ZNF33B: variants seen among roughly 807,000 people sequenced by gnomAD.
ZNF33B encodes the protein zinc finger protein 11b (KOX 2).
Under a neutral mutation model 45.8 loss-of-function variants are expected in ZNF33B, and 29 were observed. That is an observed-to-expected ratio of 0.63 (90% CI 0.47 to 0.86). The LOEUF is 0.86. Ranked by LOEUF, ZNF33B falls within the 40% of genes least tolerant of loss-of-function variation. The probability of loss-of-function intolerance (pLI) is 0.00; values close to 1 mark genes in which losing one functional copy is unlikely to be tolerated. For synonymous variants in ZNF33B, 305 were observed against 307.8 expected (o/e 0.99, Z 0.10); for missense variants, 831 against 909.9 (o/e 0.91, Z 1.12).
rs559093388 is a variant in ZNF33B at position 42,593,542 on chromosome 10, C to A, written c.1408G>T (p.Glu470Ter). The change falls in exon 5 of 5, where the codon GAA becomes TAA. Residue 470 changes from glutamate to a stop codon, truncating the protein, a stop_gained. Transcript: ENST00000359467. LOFTEE classifies it high-confidence loss of function. ...QRTHTGEKPFECLECGKSFCQ... is the reference protein window; with the variant it reads ...QRTHTGEKPF ...AAGGATTTCCCACACTCAAGACATT[C>A]AAAAGGTTTCTCACCTGTGTGAGTT... 6.2e-7 allele frequency: 1 copy of A among 1,613,966 alleles called. No individual in the cohort carries two copies. Among genetic ancestry groups the A allele is most frequent in the South Asian group, 1.1e-5 (1 of 91,072 alleles).
chr10:42,577,424 ACCT>A (rs1322364527), intron 1 of ZNF33B, among the ~76,000 whole-genome samples: 1 of 151,924 alleles, frequency 6.6e-6, no homozygotes, highest in African/African-American at 2.4e-5. Context: ...CTCCCCTGTG[ACCT>A]CCTCACTTAG....
intron 1 of ZNF33B, among the ~76,000 whole-genome samples, chr10:42,575,732 A>G (rs953364073): frequency 2.3e-5 from 3 of 131,862 alleles, no homozygotes; most frequent in African/African-American, 8.3e-5. Context: ...ATATATACAT[A>G]TATATTTTTT....
Position 42,593,224 on chromosome 10 carries a change from T to C in ZNF33B, c.1726A>G (p.Thr576Ala). ...TGACATTCATAGGGTTTCTCCCCCGTGTGTGTTCTATAATGTTGAGAGAGG... is the reference window on the plus strand; with the variant it reads ...TGACATTCATAGGGTTTCTCCCCCGCGTGTGTTCTATAATGTTGAGAGAGG... ...STLSQHYRTH[T>A]GEKPYECHEC... The change falls in exon 5 of 5, where the codon ACG (threonine) becomes GCG (alanine). Residue 576 changes from threonine to alanine, a missense_variant. Thr to Ala is a moderately conservative substitution (Grantham distance 58). Coordinates refer to ENST00000359467, the MANE Select transcript of ZNF33B (RefSeq NM_006955.3). 1 of 1,613,830 alleles carries C rather than the reference T, an allele frequency of 6.2e-7. No homozygotes were observed. The highest frequency in any genetic ancestry group is 1.7e-5 in the Admixed American group (1 of 59,818).
rs143162194 is a variant in ZNF33B at position 42,632,296 on chromosome 10, C to T, written c.153G>A (p.Val51=). ...MLENYSNLVS[V]GYCAHKPEVI... The stretch of plus-strand genomic sequence containing the variant: ...AATGATACAGTGAACAGACCTTACC[C>T]ACTGAGACAAGGTTGCTGTAGTTCT... The change falls in exon 3 of 5, where the codon GTG becomes GTA. Residue 51 remains valine, a splice_region_variant and synonymous_variant. Coordinates refer to ENST00000359467, the MANE Select transcript of ZNF33B (RefSeq NM_006955.3). 12 of 1,598,954 alleles carry T rather than the reference C, an allele frequency of 7.5e-6. No individual in the cohort carries two copies. The African/African-American group carries it at 1.6e-4, about 22-fold the overall frequency.
intron 4 of ZNF33B, among the ~76,000 whole-genome samples, chr10:42,618,899 T>C (rs1355329252): frequency 1.3e-5 from 2 of 152,164 alleles, no homozygotes; most frequent in Non-Finnish European, 2.9e-5. Context: ...AATTACACAA[T>C]ATACATTGAT....
At position 42,589,752 on chromosome 10, in the gene ZNF33B, A is replaced by G. The variant is rs1055201379; in HGVS notation, c.*2861T>C. 2.4e-4 allele frequency: 37 copies of G among 152,144 alleles called. No homozygotes were observed. Among genetic ancestry groups the G allele is most frequent in the African/African-American group, 8.9e-4 (37 of 41,402 alleles). The allele number at this position is 152,144 out of a possible 1,614,324, so 9.4% of individuals were successfully genotyped here. On this transcript the variant is annotated 3_prime_UTR_variant, in exon 5 of 5. Transcript: ENST00000359467. Reference sequence around the variant, plus strand: ...AATCATGTTATTTGAGAACAAAGACAGTTGTATTTCCTCCTTCCAAATTTA... The same window carrying G: ...AATCATGTTATTTGAGAACAAAGACGGTTGTATTTCCTCCTTCCAAATTTA...
chr10:42,617,944 C>A (rs1838398641), intron 4 of ZNF33B, among the ~76,000 whole-genome samples: 2 of 152,148 alleles, frequency 1.3e-5, no homozygotes, highest in Non-Finnish European at 2.9e-5. Flanking sequence ...GAAACTGAAA[C>A]CACACAAACT....
chr10:42,601,009 T>C (rs1837595831), intron 4 of ZNF33B, among the ~76,000 whole-genome samples: 1 of 152,228 alleles, frequency 6.6e-6, no homozygotes. Flanking sequence ...CTTTCAGCTT[T>C]GTTTAACTGG....
At chr10:42,613,148 A>G (rs941729308) in intron 4 of ZNF33B, among the ~76,000 whole-genome samples, 6 of 152,248 alleles carry the variant, frequency 3.9e-5, no homozygotes, top group South Asian at 2.1e-4. Context: ...AGGTCTGCAC[A>G]TAAGTACTAT....
rs1463253740 is a variant in ZNF33B at position 42,601,879 on chromosome 10, T to G, written c.251-7180A>C. Among the ~76,000 whole-genome samples, 4 of 151,132 alleles carry G rather than the reference T, an allele frequency of 2.6e-5. No homozygotes were observed. In the East Asian group the frequency reaches 7.8e-4, roughly 29 times the overall value. ...TCTTATTCTTCTGCAATCTTTGAAC[T>G]GCCATTAATTCTTGCTCTATGTGAT... On this transcript the variant is annotated intron_variant, in intron 4 of 4. Coordinates refer to ENST00000359467, the MANE Select transcript of ZNF33B (RefSeq NM_006955.3).
intron 4 of ZNF33B, among the ~76,000 whole-genome samples, chr10:42,601,908 C>CTTTTTTT (rs34431290): frequency 1.3e-5 from 1 of 75,368 alleles, no homozygotes; most frequent in Non-Finnish European, 2.5e-5. Context: ...ATGTGATATT[C>CTTTTTTT]TTTTTTTTTT....
chr10:42,592,194 T>A lies in ZNF33B; in HGVS notation c.*419A>T. On this transcript the variant is annotated 3_prime_UTR_variant, in exon 5 of 5. Transcript: ENST00000359467. Reference sequence around the variant, plus strand: ...TTCCACAATGTACATCTATAAATTATTGTTAGATACCTTAAAAACTATTAT... The same window carrying A: ...TTCCACAATGTACATCTATAAATTAATGTTAGATACCTTAAAAACTATTAT... 4.1e-6 allele frequency: 1 copy of A among 242,294 alleles called. No homozygotes were observed. Among genetic ancestry groups the A allele is most frequent in the Non-Finnish European group, 6.9e-6 (1 of 145,298 alleles). 15.0% of individuals were successfully genotyped at this position (242,294 alleles called of 1,614,324 possible).
At chr10:42,588,834 C>G (rs1338181347), downstream of ZNF33B, among the ~76,000 whole-genome samples, 1 of 152,124 alleles carries the variant, frequency 6.6e-6, no homozygotes, top group Non-Finnish European at 1.5e-5. Context: ...GCCTGGCCCC[C>G]CTGACAGGGA....
Position 42,616,672 on chromosome 10 carries a change from A to G in ZNF33B, c.250+15257T>C, listed in dbSNP as rs539015939. Among the ~76,000 whole-genome samples, 51 of 152,236 alleles carry G rather than the reference A, an allele frequency of 3.4e-4. 2 individuals are homozygous for G. The South Asian group carries it at 0.01, about 31-fold the overall frequency. ...AGTGTGCTATGATTTTTCAACAAAT[A>G]GTGTACAATATGTTTTTGTCCATTA... is the stretch of plus-strand genomic sequence containing the variant. On this transcript the variant is annotated intron_variant, in intron 4 of 4. Coordinates refer to ENST00000359467, the MANE Select transcript of ZNF33B (RefSeq NM_006955.3).
At chr10:42,620,007 G>C (rs1838498713) in intron 4 of ZNF33B, among the ~76,000 whole-genome samples, 1 of 152,144 alleles carries the variant, frequency 6.6e-6, no homozygotes, top group African/African-American at 2.4e-5. Flanking sequence ...CTTGAAGCCA[G>C]GAGTTCAAGA....
intron 1 of ZNF33B, chr10:42,574,752 T>C: frequency 6.6e-6 from 1 of 152,186 alleles, no homozygotes; most frequent in Non-Finnish European, 1.5e-5. Context: ...TTTTTTCTCT[T>C]GACTTTAGGA....
At chr10:42,605,459 T>A (rs1837802281) in intron 4 of ZNF33B, among the ~76,000 whole-genome samples, 1 of 152,110 alleles carries the variant, frequency 6.6e-6, no homozygotes, top group Non-Finnish European at 1.5e-5. Flanking sequence ...AAAATTTTTG[T>A]TAATAACTTG....
rs749105955 is a variant in ZNF33B, at chr10:42,590,382, T to TTTA, written c.*2228_*2230dup. On this transcript the variant is annotated 3_prime_UTR_variant, in exon 5 of 5. Transcript: ENST00000359467. ...GGTCCCGGCACTTTTTTTGGAAGGT[T>TTTA]TTATTATTATTAATTTTATTGAGAT... is the stretch of plus-strand genomic sequence containing the variant. The TTTA allele has an allele frequency of 1.3e-5, 2 of 152,024 alleles. No homozygotes were observed. Among genetic ancestry groups the TTTA allele is most frequent in the Non-Finnish European group, 2.9e-5 (2 of 68,020 alleles). 9.4% of individuals were successfully genotyped at this position (152,024 alleles called of 1,614,324 possible).
chr10:42,585,812 G>A (rs1306364454), downstream of ZNF33B, among the ~76,000 whole-genome samples: 3 of 152,172 alleles, frequency 2.0e-5, no homozygotes, highest in Non-Finnish European at 4.4e-5. Flanking sequence ...GTCTTTGTCT[G>A]TGTCTCCTCT....
Sources: gnomAD v4.1 joint callset for allele counts (sites outside exome capture counted in the v4.1 genomes callset) on GRCh38, gnomAD v4.1.1 for gene constraint, MANE v1.5 for transcripts, NCBI Gene and HGNC (gene_info 2026-07-23, HGNC 2026-07-21) for gene names.